Variants in UNC5C observed in about 807,000 individuals in gnomAD.
UNC5C encodes netrin receptor UNC5C.
Under a neutral mutation model 99.8 loss-of-function variants are expected in UNC5C, and 47 were observed. The ratio of observed to expected loss-of-function variants is 0.47; its 90% CI spans 0.37 to 0.60. The LOEUF (loss-of-function observed/expected upper bound fraction) is 0.60, where lower values mean the gene tolerates loss of function less well. Ranked by LOEUF, UNC5C falls within the 20% of genes least tolerant of loss-of-function variation. The pLI is 0.00. For synonymous variants in UNC5C, 487 were observed against 452.2 expected (o/e 1.08, Z -0.98); for missense variants, 1,062 against 1,165.9 (o/e 0.91, Z 1.30).
In UNC5C at chr4:95,412,369, G is replaced by C. The variant is rs1560823558; in HGVS notation, c.125-76738C>G. Among the ~76,000 whole-genome samples, 2 of 152,124 alleles carry C rather than the reference G, an allele frequency of 1.3e-5. 1 individual carries two copies. The highest frequency in any genetic ancestry group is 3.9e-4 in the East Asian group (2 of 5,186). On this transcript the variant is annotated intron_variant, in intron 1 of 15. Transcript: ENST00000453304. ...TCTGTGTGGCACAGCTGTGCCAGGG[G>C]AGGTTTCCAAGGACCCTGCTTTTCT...
At position 95,340,173 on chromosome 4, in the gene UNC5C, C is replaced by T. The variant is rs559159110; in HGVS notation, c.125-4542G>A. 5.4e-3 allele frequency among the ~76,000 whole-genome samples: 827 copies of T among 152,152 alleles called. 5 individuals carry two copies. The highest frequency in any genetic ancestry group is 0.019 in the African/African-American group (776 of 41,528). ...ATGCTATGAACATCAATCTAGGGAG[C>T]TTTAGGTTGCTGATTTTATTGCTAA... On this transcript the variant is annotated intron_variant, in intron 1 of 15. Coordinates refer to ENST00000453304, the MANE Select transcript of UNC5C (RefSeq NM_003728.4).
At chr4:95,468,368 C>A (rs1560844509) in intron 1 of UNC5C, among the ~76,000 whole-genome samples, 1 of 152,112 alleles carries the variant, frequency 6.6e-6, no homozygotes. Flanking sequence ...TCATCTCCAT[C>A]AAGTCCTCTT....
At chr4:95,513,313 C>G (rs563994648) in intron 1 of UNC5C, among the ~76,000 whole-genome samples, 1 of 152,280 alleles carries the variant, frequency 6.6e-6, no homozygotes, top group East Asian at 1.9e-4. Context: ...TTCAGAATGC[C>G]AGGCGCACAC....
chr4:95,244,328 G>T (rs1167673567), intron 6 of UNC5C, among the ~76,000 whole-genome samples: 1 of 152,132 alleles, frequency 6.6e-6, no homozygotes, highest in Non-Finnish European at 1.5e-5. Flanking sequence ...GATAAGAGCT[G>T]GTAGCAATAT....
intron 4 of UNC5C, among the ~76,000 whole-genome samples, chr4:95,273,528 A>T (rs1257938273): frequency 6.6e-6 from 1 of 152,218 alleles, no homozygotes. Flanking sequence ...ACCCAGCACC[A>T]GTTCCATGGG....
Position 95,518,603 on chromosome 4 carries a change from C to G in UNC5C, c.124+30131G>C, listed in dbSNP as rs147098690. Among the ~76,000 whole-genome samples, 981 of 152,240 alleles carry G rather than the reference C, an allele frequency of 6.4e-3. 12 individuals carry two copies. The highest frequency in any genetic ancestry group is 0.022 in the African/African-American group (915 of 41,550). ...CTCCAGTAGTTCACCTTGGAAGAGACTTATACATAATTTTCAATATGCAGA... is the reference window on the plus strand; with the variant it reads ...CTCCAGTAGTTCACCTTGGAAGAGAGTTATACATAATTTTCAATATGCAGA... On this transcript the variant is annotated intron_variant, in intron 1 of 15. Coordinates refer to ENST00000453304, the MANE Select transcript of UNC5C (RefSeq NM_003728.4).
intron 1 of UNC5C, among the ~76,000 whole-genome samples, chr4:95,428,667 G>GATTGTC (rs1746550011): frequency 6.6e-6 from 1 of 152,024 alleles, no homozygotes; most frequent in Non-Finnish European, 1.5e-5. Context: ...TGACAATAGG[G>GATTGTC]ATTTCACAGA....
intron 7 of UNC5C, among the ~76,000 whole-genome samples, chr4:95,239,270 A>G (rs1739240186): frequency 6.6e-6 from 1 of 152,192 alleles, no homozygotes; most frequent in Admixed American, 6.5e-5. Flanking sequence ...CTTAGATTCC[A>G]TACCAGAGCT....
intron 1 of UNC5C, among the ~76,000 whole-genome samples, chr4:95,498,599 A>C (rs1269986146): frequency 6.6e-6 from 1 of 152,008 alleles, no homozygotes; most frequent in Non-Finnish European, 1.5e-5. Context: ...TTGTATCCCA[A>C]ACTTTAAGCC....
intron 1 of UNC5C, among the ~76,000 whole-genome samples, chr4:95,508,347 G>T (rs1241773361): frequency 6.6e-6 from 1 of 152,048 alleles, no homozygotes; most frequent in African/African-American, 2.4e-5. Flanking sequence ...TAAGACAAGT[G>T]CTTAATAAAT....
At chr4:95,331,961 C>A (rs933000133) in intron 2 of UNC5C, among the ~76,000 whole-genome samples, 1 of 152,036 alleles carries the variant, frequency 6.6e-6, no homozygotes. Flanking sequence ...GAGTGAACTC[C>A]CATTCACAAT....
intron 4 of UNC5C, among the ~76,000 whole-genome samples, chr4:95,255,806 A>G (rs1378917394): frequency 2.7e-5 from 4 of 150,876 alleles, no homozygotes; most frequent in Non-Finnish European, 5.9e-5. Context: ...TTCTGCCTCT[A>G]CTCACCCCCC....
Position 95,250,611 on chromosome 4 carries a change from A to G in UNC5C, c.651T>C (p.Tyr217=). The G allele has an allele frequency of 1.9e-6, 3 of 1,614,050 alleles. No individual in the cohort carries two copies. The highest frequency in any genetic ancestry group is 2.5e-6 in the Non-Finnish European group (3 of 1,179,968). The part of the protein sequence containing the change: ...IIDPVEDRNF[Y]ITIDHNLIIK... ...TGATGAGGTTGTGATCAATAGTAAT[A>G]TAAAAATTCCGATCTTCAACGGGAT... Residue 217 remains tyrosine, a synonymous_variant, in exon 5 of 16, where the codon TAT becomes TAC. Coordinates refer to ENST00000453304, the MANE Select transcript of UNC5C (RefSeq NM_003728.4).
At chr4:95,525,577 G>T in intron 1 of UNC5C, among the ~76,000 whole-genome samples, 1 of 115,378 alleles carries the variant, frequency 8.7e-6, no homozygotes, top group East Asian at 2.8e-4. Flanking sequence ...TTTCATAGCA[G>T]TGTGCAAAGC....
At chr4:95,341,001 A>G (rs76799665) in intron 1 of UNC5C, among the ~76,000 whole-genome samples, 6,142 of 152,234 alleles carry the variant, frequency 0.04, 161 homozygotes, top group Non-Finnish European at 0.056. Context: ...AAAAATACTC[A>G]ATGACTGATG....
chr4:95,261,836 T>A (rs983278843), intron 4 of UNC5C, among the ~76,000 whole-genome samples: 1 of 152,112 alleles, frequency 6.6e-6, no homozygotes, highest in Non-Finnish European at 1.5e-5. Flanking sequence ...CCTGAGTAGC[T>A]GAGACTACAG....
At chr4:95,525,251 T>G (rs962172466) in intron 1 of UNC5C, among the ~76,000 whole-genome samples, 1 of 152,160 alleles carries the variant, frequency 6.6e-6, no homozygotes, top group African/African-American at 2.4e-5. Context: ...AGTTTATTCT[T>G]CTGCCTAAAA....
intron 1 of UNC5C, among the ~76,000 whole-genome samples, chr4:95,510,048 G>C (rs192487833): frequency 2.0e-5 from 3 of 151,960 alleles, no homozygotes; most frequent in Admixed American, 6.6e-5. Context: ...GAAATTGGAA[G>C]TATAACTAAA....
Position 95,548,742 on chromosome 4 carries a change from G to A in UNC5C, c.116C>T (p.Ala39Val), listed in dbSNP as rs1289668510. ...ALLSASGTGS[A>V]AQDDDFFHEL... ...TTGGCGGACCCCCTTACCTTGGGCG[G>A]CGGAGCCAGTGCCGCTGGCGCTGAG... is the stretch of plus-strand genomic sequence containing the variant. The change falls in exon 1 of 16, where the codon GCC (alanine) becomes GTC (valine). Residue 39 changes from alanine to valine, a missense_variant. Physicochemically the swap from Ala to Val is moderately conservative, Grantham distance 64. Around this residue, in one of 3 missense-constraint regions of UNC5C, gnomAD observed 249 missense variants for 295.1 expected, o/e 0.84. Coordinates refer to ENST00000453304, the MANE Select transcript of UNC5C (RefSeq NM_003728.4). The A allele has an allele frequency of 5.6e-6, 9 of 1,612,602 alleles. No homozygotes were observed. Among genetic ancestry groups the A allele is most frequent in the African/African-American group, 1.3e-5 (1 of 74,872 alleles).
Sources: gnomAD v4.1 joint callset for allele counts (sites outside exome capture counted in the v4.1 genomes callset) on GRCh38, gnomAD v4.1.1 for gene constraint, gnomAD v4.1.1 regional missense constraint, MANE v1.5 for transcripts, NCBI Gene and HGNC (gene_info 2026-07-23, HGNC 2026-07-21) for gene names.